Variants in KMT2A observed in about 807,000 individuals in gnomAD.
KMT2A encodes lysine methyltransferase 2A.
Under a neutral mutation model 345.3 loss-of-function variants are expected in KMT2A, and 16 were observed. The observed-to-expected ratio is 0.05, with a 90% CI of 0.03 to 0.07. KMT2A has a LOEUF of 0.07. Among genes scored for constraint, KMT2A ranks in the 10% least tolerant of loss-of-function variants. The pLI, the probability that KMT2A is intolerant of heterozygous loss-of-function variation, is 1.00. For missense variants in KMT2A, 3,272 were observed against 4,841.6 expected (o/e 0.68, Z 9.62); for synonymous variants, 1,599 against 1,778.6 (o/e 0.90, Z 2.54).
chr11:118,520,832 C>T lies in KMT2A; in HGVS notation c.11460C>T (p.Pro3820=). The T allele has an allele frequency of 1.2e-6, 2 of 1,614,078 alleles. No homozygotes were observed. Among genetic ancestry groups the T allele is most frequent in the Non-Finnish European group, 1.7e-6 (2 of 1,179,962 alleles). Residue 3820 remains proline, a synonymous_variant, in exon 34 of 36, where the codon CCC becomes CCT. Transcript: ENST00000534358. The surrounding 1 kb of genome is among the most constrained non-coding windows in gnomAD (Gnocchi z 4.3). ...CAACTAGCATGGATCTGCCAATGCCCATGCGCTTCCGGCACTTAAAAAAGA... is the reference window on the plus strand; with the variant it reads ...CAACTAGCATGGATCTGCCAATGCCTATGCGCTTCCGGCACTTAAAAAAGA... The part of the protein sequence containing the change: ...RRATSMDLPM[P]MRFRHLKKTS...
At chr11:118,482,351 T>C in intron 7 of KMT2A, 71 bp from the exon 8 acceptor site, 4 of 1,082,492 alleles carry the variant, frequency 3.7e-6, no homozygotes, top group Non-Finnish European at 5.4e-6. Flanking sequence ...AATGGCCCTT[T>C]CTTCACAGGT....
chr11:118,472,788 G>A lies in KMT2A; in HGVS notation c.1629G>A (p.Thr543=), dbSNP rs782236871. ...VSERSFGSRT[T]KKLSTLQSAP... is the part of the protein sequence containing the mutation. Reference sequence around the variant, plus strand: ...AGAGAAGTTTTGGATCTAGAACGACGAAAAAATTATCAACTCTACAAAGTG... The same window carrying A: ...AGAGAAGTTTTGGATCTAGAACGACAAAAAAATTATCAACTCTACAAAGTG... Residue 543 remains threonine, a synonymous_variant, in exon 3 of 36, where the codon ACG becomes ACA. Transcript: ENST00000534358. The A allele has an allele frequency of 6.2e-7, 1 of 1,613,578 alleles. No homozygotes were observed. Among genetic ancestry groups the A allele is most frequent in the African/African-American group, 1.3e-5 (1 of 74,838 alleles).
In KMT2A at chr11:118,497,894, C is replaced by A; in HGVS notation, c.5665-42C>A. 6.5e-7 allele frequency: 1 copy of A among 1,529,472 alleles called. No homozygotes were observed. The highest frequency in any genetic ancestry group is 9.0e-7 in the Non-Finnish European group (1 of 1,107,096). 94.7% of individuals were successfully genotyped at this position (1,529,472 alleles called of 1,614,324 possible). On this transcript the variant is annotated intron_variant, in intron 20 of 35. Transcript: ENST00000534358. The surrounding 1 kb of genome is among the most constrained non-coding windows in gnomAD (Gnocchi z 4.8). The stretch of plus-strand genomic sequence containing the variant: ...TAATGCCGAGGAAAACCTCCTTTGG[C>A]ATTATATTCTTTAGGAAAAAAGAAA...
At chr11:118,512,220 G>C in intron 31 of KMT2A, 195 bp downstream of exon 31, 1 of 592,500 alleles carries the variant, frequency 1.7e-6, no homozygotes, top group Non-Finnish European at 3.0e-6. Context: ...ATTCAGAGTT[G>C]TATAACCACC....
chr11:118,470,689 A>G, intron 2 of KMT2A, among the ~76,000 whole-genome samples: 1 of 152,208 alleles, frequency 6.6e-6, no homozygotes, highest in Non-Finnish European at 1.5e-5. Context: ...GTTCCATTGT[A>G]AAAATGTTCA....
Position 118,525,707 on chromosome 11 carries a change from T to C in KMT2A, c.*3535T>C, listed in dbSNP as rs1951067675. Reference sequence around the variant, plus strand: ...TAAAGGACTGACGTTCAATCAAATATCTGAAAATACTAAAGGTCAAAACCT... The same window carrying C: ...TAAAGGACTGACGTTCAATCAAATACCTGAAAATACTAAAGGTCAAAACCT... On this transcript the variant is annotated 3_prime_UTR_variant, in exon 36 of 36. Transcript: ENST00000534358. 1 of 229,318 alleles carries C rather than the reference T, an allele frequency of 4.4e-6. No homozygotes were observed. Among genetic ancestry groups the C allele is most frequent in the Non-Finnish European group, 8.6e-6 (1 of 116,322 alleles). 14.2% of individuals were successfully genotyped at this position (229,318 alleles called of 1,614,324 possible).
At chr11:118,485,116 T>C in intron 10 of KMT2A, 141 bp downstream of exon 10, 1 of 651,230 alleles carries the variant, frequency 1.5e-6, no homozygotes, top group East Asian at 2.9e-5. Context: ...TGAAGTATTT[T>C]AGAGATTTTA....
rs1354365751 is a variant in KMT2A, at chr11:118,498,829, A to C, written c.5961+301A>C. 6.6e-6 allele frequency among the ~76,000 whole-genome samples: 1 copy of C among 152,164 alleles called. No homozygotes were observed. Among genetic ancestry groups the C allele is most frequent in the Non-Finnish European group, 1.5e-5 (1 of 68,038 alleles). ...TATAATGATGTATATCCACCATTAT[A>C]CCATCATATGGAGTATTTTCGCTGC... is the stretch of plus-strand genomic sequence containing the variant. On this transcript the variant is annotated intron_variant, in intron 22 of 35. Coordinates refer to ENST00000534358, the MANE Select transcript of KMT2A (RefSeq NM_001197104.2). The surrounding 1 kb of genome is among the most constrained non-coding windows in gnomAD (Gnocchi z 4.4).
chr11:118,436,920 C>A lies in KMT2A; in HGVS notation c.408C>A (p.Ser136Arg). The A allele has an allele frequency of 2.6e-6, 4 of 1,553,330 alleles. No homozygotes were observed. The highest frequency in any genetic ancestry group is 1.2e-5 in the South Asian group (1 of 85,444). Residue 136 changes from serine (S) to arginine (R), a missense_variant, in exon 1 of 36, where the codon AGC becomes AGA. Around this residue, in one of 27 missense-constraint regions of KMT2A, gnomAD observed 412 missense variants for 511.0 expected, o/e 0.81. Coordinates refer to ENST00000534358, the MANE Select transcript of KMT2A (RefSeq NM_001197104.2). This position sits in a 1 kb window ranked among gnomAD's most constrained non-coding sequence, Gnocchi z 6.9. ...LRRFRAVFGE[S>R]GGGGGSGEDE... ...GGTTCCGGGCCGTGTTTGGGGAGAG[C>A]GGCGGGGGAGGCGGCAGCGGAGAGG...
At position 118,520,919 on chromosome 11, in the gene KMT2A, A is replaced by G; in HGVS notation, c.11513+34A>G. 1 of 1,519,272 alleles carries G rather than the reference A, an allele frequency of 6.6e-7. No homozygotes were observed. The highest frequency in any genetic ancestry group is 9.1e-7 in the Non-Finnish European group (1 of 1,094,212). The allele number at this position is 1,519,272 out of a possible 1,614,324, so 94.1% of individuals were successfully genotyped here. A position where few individuals can be genotyped will look rare whatever the true frequency, so the allele number is the denominator to read the frequency against. On this transcript the variant is annotated intron_variant, in intron 34 of 35. Transcript: ENST00000534358. This position sits in a 1 kb window ranked among gnomAD's most constrained non-coding sequence, Gnocchi z 4.3. ...AAAATTCTAGAAAGAATTACAGAAA[A>G]CGAATGCAGTTTTTCAAAATCAAAG...
At position 118,522,755 on chromosome 11, in the gene KMT2A, G is replaced by A. The variant is rs1235283690; in HGVS notation, c.*583G>A. ...ACCTCCGGTGTCAAAAGGCTGTCAT[G>A]GGGTTGTGCCAATTAATTACCAAAC... On this transcript the variant is annotated 3_prime_UTR_variant, in exon 36 of 36. Transcript: ENST00000534358. The surrounding 1 kb of genome is among the most constrained non-coding windows in gnomAD (Gnocchi z 5.4). 1 of 212,692 alleles carries A rather than the reference G, an allele frequency of 4.7e-6. No individual in the cohort carries two copies. The highest frequency in any genetic ancestry group is 2.3e-5 in the African/African-American group (1 of 44,080). 13.2% of individuals were successfully genotyped at this position (212,692 alleles called of 1,614,324 possible).
rs531942770 is a variant in KMT2A at position 118,502,317 on chromosome 11, T to G, written c.6506-81T>G. 1 of 794,600 alleles carries G rather than the reference T, an allele frequency of 1.3e-6. No individual in the cohort carries two copies. Among genetic ancestry groups the G allele is most frequent in the African/African-American group, 1.7e-5 (1 of 57,380 alleles). 49.2% of individuals were successfully genotyped at this position (794,600 alleles called of 1,614,324 possible). ...AGTTACCTATAAATATATATATATA[T>G]AGTCAAATCATTGAAACCAGTGACT... On this transcript the variant is annotated intron_variant, in intron 26 of 35. Coordinates refer to ENST00000534358, the MANE Select transcript of KMT2A (RefSeq NM_001197104.2). The surrounding 1 kb of genome is among the most constrained non-coding windows in gnomAD (Gnocchi z 4.9).
intron 6 of KMT2A, among the ~76,000 whole-genome samples, chr11:118,481,306 A>G (rs148606323): frequency 6.6e-6 from 1 of 152,088 alleles, no homozygotes; most frequent in African/African-American, 2.4e-5. Flanking sequence ...CATAAGTTCA[A>G]TTGTTTTAAT....
At position 118,506,020 on chromosome 11, in the gene KMT2A, A is replaced by C; in HGVS notation, c.10128A>C (p.Pro3376=). 6.2e-7 allele frequency: 1 copy of C among 1,614,200 alleles called. No individual in the cohort carries two copies. Residue 3376 remains proline, a synonymous_variant, in exon 27 of 36, where the codon CCA becomes CCC. Coordinates refer to ENST00000534358, the MANE Select transcript of KMT2A (RefSeq NM_001197104.2). The part of the protein sequence containing the change: ...TLTNPRLLGT[P]DIGSISNLLI... ...CCAACCCAAGGTTGCTTGGTACCCCAGATATTGGCTCAATAAGCAATCTTT... is the reference window on the plus strand; with the variant it reads ...CCAACCCAAGGTTGCTTGGTACCCCCGATATTGGCTCAATAAGCAATCTTT...
At position 118,484,231 on chromosome 11, in the gene KMT2A, A is replaced by G. The variant is rs1555040208; in HGVS notation, c.4135A>G (p.Ile1379Val). ...NKQENAGTLN[I>V]LSTLSNGNSS... is the part of the protein sequence containing the mutation. ...GCAGGAGAATGCAGGCACTTTGAAC[A>G]TCCTCAGCACTCTCTCCAATGGCAA... The change falls in exon 9 of 36, where the codon ATC becomes GTC. Residue 1379 changes from isoleucine (I) to valine (V), a missense_variant. By Grantham distance (29) the Ile-to-Val change is conservative. This residue lies in a region of KMT2A where 168 missense variants were observed against 216.0 expected (regional missense o/e 0.78). Transcript: ENST00000534358. This position sits in a 1 kb window ranked among gnomAD's most constrained non-coding sequence, Gnocchi z 4.1. 1 of 1,614,190 alleles carries G rather than the reference A, an allele frequency of 6.2e-7. No homozygotes were observed. Among genetic ancestry groups the G allele is most frequent in the Non-Finnish European group, 8.5e-7 (1 of 1,180,020 alleles).
intron 1 of KMT2A, chr11:118,439,158 C>CAAAAAAA: frequency 9.4e-5 from 25 of 265,434 alleles, no homozygotes; most frequent in East Asian, 4.7e-4. Context: ...GATACAGCAG[C>CAAAAAAA]AAAAAAAAAA....
Position 118,476,906 on chromosome 11 carries a change from T to C in KMT2A, c.3258T>C (p.Phe1086=). The C allele has an allele frequency of 6.2e-7, 1 of 1,614,222 alleles. No homozygotes were observed. Among genetic ancestry groups the C allele is most frequent in the Non-Finnish European group, 8.5e-7 (1 of 1,180,024 alleles). ...AVALGRKRAV[F]PDDMPTLSAL... is the part of the protein sequence containing the mutation. ...CCCTTGGCCGAAAACGAGCTGTGTT[T>C]CCTGATGACATGCCCACCCTGAGTG... Residue 1086 remains phenylalanine (F), a synonymous_variant, in exon 4 of 36, where the codon TTT becomes TTC. Coordinates refer to ENST00000534358, the MANE Select transcript of KMT2A (RefSeq NM_001197104.2). The surrounding 1 kb of genome is among the most constrained non-coding windows in gnomAD (Gnocchi z 4.1).
In KMT2A at chr11:118,472,743, C is replaced by T. The variant is rs1555036083; in HGVS notation, c.1584C>T (p.Ser528=). ...SPENESNDRR[S]RRYSVSERSF... The stretch of plus-strand genomic sequence containing the variant: ...AAAATGAGAGTAATGATAGGAGAAG[C>T]AGAAGGTATTCAGTGTCGGAGAGAA... The change falls in exon 3 of 36, where the codon AGC becomes AGT. Residue 528 remains serine, a synonymous_variant. Coordinates refer to ENST00000534358, the MANE Select transcript of KMT2A (RefSeq NM_001197104.2). The T allele has an allele frequency of 6.2e-7, 1 of 1,613,650 alleles. No homozygotes were observed. Among genetic ancestry groups the T allele is most frequent in the South Asian group, 1.1e-5 (1 of 91,042 alleles).
At position 118,488,761 on chromosome 11, in the gene KMT2A, G is replaced by T; in HGVS notation, c.4479+1G>T. 1 of 1,613,892 alleles carries T rather than the reference G, an allele frequency of 6.2e-7. No homozygotes were observed. The highest frequency in any genetic ancestry group is 2.2e-5 in the East Asian group (1 of 44,894). On this transcript the variant is annotated splice_donor_variant, in intron 11 of 35. Transcript: ENST00000534358. LOFTEE classifies it high-confidence loss of function. ...TGGAAGGCAACATCAGGCTACAAAG[G>T]TACAAAACTTGGTAATAGAACTACA...
Sources: allele counts gnomAD v4.1 joint callset (sites outside exome capture counted in the v4.1 genomes callset), GRCh38; gene constraint gnomAD v4.1.1; regional missense constraint gnomAD v4.1.1; non-coding constraint Gnocchi (gnomAD v3.1); transcripts MANE v1.5; gene names NCBI Gene and HGNC (gene_info 2026-07-23, HGNC 2026-07-21).